TCERG1: variants seen among roughly 807,000 people sequenced by gnomAD.
TCERG1 encodes the protein TATA box binding protein (TBP)-associated factor, RNA polymerase II, S, 150kD.
In TCERG1, 37 loss-of-function variants were observed where a neutral mutation model predicts 144.7. The ratio of observed to expected loss-of-function variants is 0.26; its 90% CI spans 0.20 to 0.34. The LOEUF is 0.34. Among genes scored for constraint, TCERG1 ranks in the 10% least tolerant of loss-of-function variants. The probability of loss-of-function intolerance (pLI) is 1.00; values close to 1 mark genes in which losing one functional copy is unlikely to be tolerated. For missense variants in TCERG1, 1,027 were observed against 1,380.7 expected (o/e 0.74, Z 4.06); for synonymous variants, 492 against 458.2 (o/e 1.07, Z -0.94).
chr5:146,455,813 C>T (rs189556125), intron 2 of TCERG1, among the ~76,000 whole-genome samples: 2 of 152,128 alleles, frequency 1.3e-5, no homozygotes, highest in East Asian at 3.9e-4. Flanking sequence ...TTTTTGAAAA[C>T]GATTTATTAT....
chr5:146,510,671 A>C lies in TCERG1; in HGVS notation c.*29A>C, dbSNP rs767327381. The stretch of plus-strand genomic sequence containing the variant: ...TAAATACTCTTCCATAGGGGCATCT[A>C]TTCAAAATGCTTGCATGAGCCAATT... On this transcript the variant is annotated 3_prime_UTR_variant, in exon 23 of 23. Coordinates refer to ENST00000679501, the MANE Select transcript of TCERG1 (RefSeq NM_001382548.1). 5 of 1,584,442 alleles carry C rather than the reference A, an allele frequency of 3.2e-6. No individual in the cohort carries two copies. In the African/African-American group the frequency reaches 5.4e-5, roughly 17 times the overall value.
Position 146,479,900 on chromosome 5 carries a change from C to T in TCERG1, c.1808C>T (p.Ser603Phe). 1 of 1,613,474 alleles carries T rather than the reference C, an allele frequency of 6.2e-7. No homozygotes were observed. Among genetic ancestry groups the T allele is most frequent in the Non-Finnish European group, 8.5e-7 (1 of 1,179,624 alleles). The change falls in exon 11 of 23, where the codon TCT becomes TTT. Residue 603 changes from serine to phenylalanine, a missense_variant. By Grantham distance (155) the Ser-to-Phe change is radical. This residue lies in a region of TCERG1 where 482 missense variants were observed against 632.6 expected (regional missense o/e 0.76). Transcript: ENST00000679501. ...TMLSIQKWQFSMSAIKEEQEL... is the reference protein window; with the variant it reads ...TMLSIQKWQFFMSAIKEEQEL... Reference sequence around the variant, plus strand: ...CTGTCGATCCAAAAGTGGCAATTCTCTATGAGTGCAAGTGAGTGAACTAAC... The same window carrying T: ...CTGTCGATCCAAAAGTGGCAATTCTTTATGAGTGCAAGTGAGTGAACTAAC...
rs1765516342 is a variant in TCERG1 at position 146,483,194 on chromosome 5, A to T, written c.2074-346A>T. Among the ~76,000 whole-genome samples, 2 of 152,192 alleles carry T rather than the reference A, an allele frequency of 1.3e-5. 1 individual carries two copies. The highest frequency in any genetic ancestry group is 4.1e-4 in the South Asian group (2 of 4,832). Reference sequence around the variant, plus strand: ...GAATAAGTAAAATTGTTCAATTTTAAATCACAACATTGTTCACAAGATTGG... The same window carrying T: ...GAATAAGTAAAATTGTTCAATTTTATATCACAACATTGTTCACAAGATTGG... On this transcript the variant is annotated intron_variant, in intron 14 of 22. Transcript: ENST00000679501.
chr5:146,502,862 A>G (rs1013637878), intron 17 of TCERG1, among the ~76,000 whole-genome samples: 8 of 152,162 alleles, frequency 5.3e-5, no homozygotes, highest in African/African-American at 1.7e-4. Flanking sequence ...ATTTGACAGT[A>G]TAAGTTTGTA....
chr5:146,483,898 T>C (rs567036749), intron 15 of TCERG1, among the ~76,000 whole-genome samples: 35 of 152,208 alleles, frequency 2.3e-4, no homozygotes, highest in Admixed American at 8.5e-4. Context: ...GGTTTTAAAA[T>C]TGATTTCAAA....
Position 146,447,801 on chromosome 5 carries a change from G to C in TCERG1, c.59+393G>C, listed in dbSNP as rs377079733. Among the ~76,000 whole-genome samples the C allele has an allele frequency of 9.2e-5, 14 of 152,376 alleles. No individual in the cohort carries two copies. In the South Asian group the frequency reaches 1.7e-3, roughly 18 times the overall value. ...CCTGATTTTCCTCATCGACGTCTCT[G>C]CACTCCGCAGTTACTTTCCCTGTAC... On this transcript the variant is annotated intron_variant, in intron 1 of 22. Transcript: ENST00000679501.
At chr5:146,448,986 G>A (rs770974360) in intron 1 of TCERG1, among the ~76,000 whole-genome samples, 7 of 152,164 alleles carry the variant, frequency 4.6e-5, no homozygotes, top group Admixed American at 1.3e-4. Flanking sequence ...TTTGAATAGA[G>A]CTTTAATTTG....
intron 9 of TCERG1, 113 bp downstream of exon 9, chr5:146,471,689 C>G: frequency 1.3e-6 from 1 of 742,652 alleles, no homozygotes. Context: ...ACCTCCACCT[C>G]CCTAGTTCAA....
chr5:146,477,804 C>T (rs1165399687), intron 9 of TCERG1, among the ~76,000 whole-genome samples: 1 of 146,992 alleles, frequency 6.8e-6, no homozygotes, highest in East Asian at 2.1e-4. Flanking sequence ...CTCAGGTGAT[C>T]CTCCCACCTC....
intron 17 of TCERG1, 62 bp downstream of exon 17, chr5:146,498,748 T>C (rs1193678998): frequency 1.3e-6 from 2 of 1,516,270 alleles, no homozygotes; most frequent in African/African-American, 2.8e-5. Flanking sequence ...AGGTCTATGC[T>C]GGTGTTATGT....
At chr5:146,468,519 C>G in intron 6 of TCERG1, 116 bp downstream of exon 6, 1 of 916,592 alleles carries the variant, frequency 1.1e-6, no homozygotes. Context: ...TTATATTTTT[C>G]TTTTTAATGA....
Position 146,503,838 on chromosome 5 carries a change from A to G in TCERG1, c.2613A>G (p.Glu871=). Reference sequence around the variant, plus strand: ...TGCTTTTACAGAATTTAGACTCAGAAAAAGAAAAGGAGCTTGAAAGGCAAG... The same window carrying G: ...TGCTTTTACAGAATTTAGACTCAGAGAAAGAAAAGGAGCTTGAAAGGCAAG... ...IEKIAKNLDS[E]KEKELERQAR... is the part of the protein sequence containing the mutation. The change falls in exon 19 of 23, where the codon GAA becomes GAG. Residue 871 remains glutamate (E), a synonymous_variant. Coordinates refer to ENST00000679501, the MANE Select transcript of TCERG1 (RefSeq NM_001382548.1). 3 of 1,587,478 alleles carry G rather than the reference A, an allele frequency of 1.9e-6. No homozygotes were observed. The highest frequency in any genetic ancestry group is 2.2e-5 in the East Asian group (1 of 44,794).
At chr5:146,464,230 T>A (rs1002120007) in intron 5 of TCERG1, among the ~76,000 whole-genome samples, 14 of 152,164 alleles carry the variant, frequency 9.2e-5, no homozygotes, top group Non-Finnish European at 1.5e-5. Context: ...TGTTACGAGA[T>A]AGGTACACAG....
intron 5 of TCERG1, among the ~76,000 whole-genome samples, chr5:146,467,776 T>C (rs532984721): frequency 5.3e-4 from 80 of 152,352 alleles, no homozygotes; most frequent in African/African-American, 1.9e-3. Flanking sequence ...TCTTTGCCTT[T>C]CTTTTATTTA....
chr5:146,508,600 G>T (rs1395757345), intron 21 of TCERG1, among the ~76,000 whole-genome samples: 1 of 152,122 alleles, frequency 6.6e-6, no homozygotes, highest in African/African-American at 2.4e-5. Context: ...TAACTTTTCT[G>T]ACTGTTTAGA....
chr5:146,483,482 T>C, intron 14 of TCERG1, 58 bp from the exon 15 acceptor site: 2 of 1,473,534 alleles, frequency 1.4e-6, no homozygotes, highest in Non-Finnish European at 1.9e-6. Flanking sequence ...AGCAAAATTA[T>C]GACCTTTATA....
intron 1 of TCERG1, 112 bp from the exon 2 acceptor site, chr5:146,454,944 A>G (rs748848446): frequency 1.7e-6 from 2 of 1,166,888 alleles, no homozygotes; most frequent in Non-Finnish European, 2.4e-6. Flanking sequence ...ATGACTTTCC[A>G]ACTCCACTTA....
Position 146,459,087 on chromosome 5 carries a change from GGCCCAGGCCCAGGCCCAGGCCCAA to G in TCERG1, c.648_671del (p.Ala235_Gln242del). The G allele has an allele frequency of 1.3e-6, 2 of 1,523,886 alleles. No individual in the cohort carries two copies. The highest frequency in any genetic ancestry group is 1.8e-6 in the Non-Finnish European group (2 of 1,107,920). 94.4% of individuals were successfully genotyped at this position (1,523,886 alleles called of 1,614,324 possible). A position where few individuals can be genotyped will look rare whatever the true frequency, so the allele number is the denominator to read the frequency against. Reference sequence around the variant, plus strand: ...AGGCTCAGGCTCAGGCCCAGGCCCAGGCCCAGGCCCAGGCCCAGGCCCAAGCCCAAGCCCAGGCCCAGGCTCAGG... The same window carrying G: ...AGGCTCAGGCTCAGGCCCAGGCCCAGGCCCAAGCCCAGGCCCAGGCTCAGG... On this transcript the variant is annotated inframe_deletion, in exon 4 of 23. Coordinates refer to ENST00000679501, the MANE Select transcript of TCERG1 (RefSeq NM_001382548.1).
chr5:146,464,944 G>A (rs1763643400), intron 5 of TCERG1, among the ~76,000 whole-genome samples: 1 of 151,696 alleles, frequency 6.6e-6, no homozygotes, highest in African/African-American at 2.4e-5. Flanking sequence ...AAAAATTTCA[G>A]GTTTTTTTTT....
Sources: gnomAD v4.1 joint callset for allele counts (sites outside exome capture counted in the v4.1 genomes callset) on GRCh38, gnomAD v4.1.1 for gene constraint, gnomAD v4.1.1 regional missense constraint, MANE v1.5 for transcripts, NCBI Gene and HGNC (gene_info 2026-07-23, HGNC 2026-07-21) for gene names.